RIMS2: variants seen among roughly 807,000 people sequenced by gnomAD.
RIMS2 encodes the protein regulating synaptic membrane exocytosis 2.
In RIMS2, 59 loss-of-function variants were observed where a neutral mutation model predicts 174.4. The ratio of observed to expected loss-of-function variants is 0.34; its 90% CI spans 0.27 to 0.42. The LOEUF is 0.42. RIMS2 is among the 10% of genes least tolerant of loss of function. RIMS2 has a pLI of 1.00. For synonymous variants in RIMS2, 606 were observed against 572.5 expected (o/e 1.06, Z -0.84); for missense variants, 1,620 against 1,666.3 (o/e 0.97, Z 0.48).
At chr8:103,695,689 G>A (rs1465492722) in intron 1 of RIMS2, among the ~76,000 whole-genome samples, 1 of 150,302 alleles carries the variant, frequency 6.7e-6, no homozygotes, top group African/African-American at 2.4e-5. Flanking sequence ...ATTTTTTAAA[G>A]CCTAATTTTA....
intron 4 of RIMS2, among the ~76,000 whole-genome samples, chr8:103,887,402 A>T (rs1454768700): frequency 6.6e-6 from 1 of 151,566 alleles, no homozygotes; most frequent in Non-Finnish European, 1.5e-5. Context: ...AATTTAATGT[A>T]TCTAAACCTT....
rs142826028 is a variant in RIMS2 at position 104,184,969 on chromosome 8, T to C, written c.3335-59947T>C. Reference sequence around the variant, plus strand: ...TATGGTCTATGGAATGCTTTTTTGTTTGACTTACATTATTTTGGGTGTACC... The same window carrying C: ...TATGGTCTATGGAATGCTTTTTTGTCTGACTTACATTATTTTGGGTGTACC... On this transcript the variant is annotated intron_variant, in intron 19 of 23. Transcript: ENST00000504942. Among the ~76,000 whole-genome samples the C allele has an allele frequency of 4.6e-3, 691 of 151,634 alleles. 7 individuals carry two copies. Among genetic ancestry groups the C allele is most frequent in the African/African-American group, 0.016 (659 of 41,486 alleles).
chr8:103,555,997 TAGAA>T (rs1205851416), intron 1 of RIMS2, among the ~76,000 whole-genome samples: 4 of 152,198 alleles, frequency 2.6e-5, no homozygotes, highest in African/African-American at 9.6e-5. Context: ...GTTGAATTCA[TAGAA>T]AGAGAGAGTA....
intron 2 of RIMS2, among the ~76,000 whole-genome samples, chr8:103,705,290 C>G (rs2097211392): frequency 6.6e-6 from 1 of 151,942 alleles, no homozygotes; most frequent in African/African-American, 2.4e-5. Flanking sequence ...TGAATTTGTT[C>G]CTTATGGTCA....
At chr8:103,899,984 C>G (rs1028171006) in intron 4 of RIMS2, among the ~76,000 whole-genome samples, 1 of 151,676 alleles carries the variant, frequency 6.6e-6, no homozygotes, top group African/African-American at 2.4e-5. Flanking sequence ...GGAATCCTTT[C>G]CACATTTCTT....
chr8:103,957,171 C>T (rs568961430), intron 14 of RIMS2, among the ~76,000 whole-genome samples: 77 of 152,270 alleles, frequency 5.1e-4, no homozygotes, highest in African/African-American at 1.7e-3. Flanking sequence ...ATTAGTTCAA[C>T]CATTGTGGAA....
chr8:103,655,881 G>T (rs1370672605), intron 1 of RIMS2, among the ~76,000 whole-genome samples: 3 of 152,122 alleles, frequency 2.0e-5, no homozygotes, highest in East Asian at 3.9e-4. Context: ...CAGTATACAG[G>T]GAAGATATTG....
chr8:103,972,896 T>C (rs892540156), intron 15 of RIMS2, among the ~76,000 whole-genome samples: 6 of 152,204 alleles, frequency 3.9e-5, no homozygotes, highest in African/African-American at 1.4e-4. Flanking sequence ...TATGTGGTTA[T>C]TTAAATGAAT....
intron 2 of RIMS2, among the ~76,000 whole-genome samples, chr8:103,754,993 C>T (rs944943329): frequency 6.6e-6 from 1 of 152,078 alleles, no homozygotes; most frequent in Non-Finnish European, 1.5e-5. Context: ...GGTTATTTTG[C>T]CCGTTAGTTT....
At chr8:103,892,861 G>C (rs1323837861) in intron 4 of RIMS2, among the ~76,000 whole-genome samples, 1 of 151,926 alleles carries the variant, frequency 6.6e-6, no homozygotes, top group Admixed American at 6.6e-5. Context: ...ATTCAGTAGA[G>C]GATGCCTAGA....
At chr8:104,176,720 T>G (rs1460252412) in intron 19 of RIMS2, among the ~76,000 whole-genome samples, 2 of 151,502 alleles carry the variant, frequency 1.3e-5, no homozygotes. Flanking sequence ...TATTTTCATA[T>G]CATTATATAT....
At chr8:103,955,505 G>A (rs986534242) in intron 14 of RIMS2, among the ~76,000 whole-genome samples, 1 of 152,056 alleles carries the variant, frequency 6.6e-6, no homozygotes, top group African/African-American at 2.4e-5. Context: ...AAAACCACAT[G>A]ATTATCTCAA....
intron 19 of RIMS2, among the ~76,000 whole-genome samples, chr8:104,161,917 A>G (rs2098764380): frequency 1.3e-5 from 2 of 152,186 alleles, no homozygotes; most frequent in Non-Finnish European, 2.9e-5. Context: ...ACAAAGACAC[A>G]TTGAATCTTT....
intron 2 of RIMS2, among the ~76,000 whole-genome samples, chr8:103,746,579 T>C (rs1276140837): frequency 1.3e-5 from 2 of 152,128 alleles, no homozygotes; most frequent in African/African-American, 4.8e-5. Context: ...CCATTAGTTG[T>C]TTTCCTGATC....
At chr8:104,236,661 A>T (rs2099260411) in intron 19 of RIMS2, among the ~76,000 whole-genome samples, 1 of 152,114 alleles carries the variant, frequency 6.6e-6, no homozygotes, top group Non-Finnish European at 1.5e-5. Flanking sequence ...GGATATGTGA[A>T]TACTATTATG....
intron 3 of RIMS2, among the ~76,000 whole-genome samples, chr8:103,876,553 C>A (rs2099138123): frequency 6.6e-6 from 1 of 151,250 alleles, no homozygotes; most frequent in African/African-American, 2.4e-5. Flanking sequence ...ATCACCTGAG[C>A]AGTATACACT....
intron 1 of RIMS2, among the ~76,000 whole-genome samples, chr8:103,538,989 A>G (rs1289525700): frequency 6.6e-6 from 1 of 152,144 alleles, no homozygotes; most frequent in African/African-American, 2.4e-5. Context: ...GGTAGTATTC[A>G]CCTTTTATGC....
At position 103,926,281 on chromosome 8, in the gene RIMS2, C is replaced by CA. The variant is rs140768931; in HGVS notation, c.2197-1561_2197-1560insA. Among the ~76,000 whole-genome samples, 8 of 151,642 alleles carry CA rather than the reference C, an allele frequency of 5.3e-5. No individual in the cohort carries two copies. The East Asian group carries it at 1.5e-3, about 29-fold the overall frequency. ...CCTTTCTTCAACATGCCAAATTTCT[C>CA]TATGAATTTCATATATCCCCTCTGT... On this transcript the variant is annotated intron_variant, in intron 10 of 23. Coordinates refer to ENST00000504942, the Ensembl canonical transcript of RIMS2.
At chr8:103,641,909 G>A (rs2096239898) in intron 1 of RIMS2, among the ~76,000 whole-genome samples, 1 of 152,108 alleles carries the variant, frequency 6.6e-6, no homozygotes, top group Non-Finnish European at 1.5e-5. Context: ...CCAAATAAAC[G>A]TTTGTTCTTT....
Sources: allele counts gnomAD v4.1 joint callset (sites outside exome capture counted in the v4.1 genomes callset), GRCh38; gene constraint gnomAD v4.1.1; transcripts MANE v1.5; gene names NCBI Gene and HGNC (gene_info 2026-07-23, HGNC 2026-07-21).